The following JAZF1 variants were observed in gnomAD, a reference collection of about 807,000 sequenced individuals.
JAZF1 encodes the protein JAZF zinc finger 1.
JAZF1 carries 8 observed loss-of-function variants against 26.4 expected under a neutral mutation model. The observed-to-expected ratio is 0.30, with a 90% CI of 0.18 to 0.55. The LOEUF (loss-of-function observed/expected upper bound fraction) is 0.55. JAZF1 is among the 20% of genes least tolerant of loss of function. The pLI is 0.94. For missense variants in JAZF1, 199 were observed against 322.0 expected (o/e 0.62, Z 2.92); for synonymous variants, 126 against 122.3 (o/e 1.03, Z -0.20).
intron 2 of JAZF1, among the ~76,000 whole-genome samples, chr7:27,929,560 A>C (rs1264720074): frequency 6.6e-6 from 1 of 152,224 alleles, no homozygotes; most frequent in East Asian, 1.9e-4. Flanking sequence ...TGTAAGCAGA[A>C]GTTTGTAGGT....
intron 2 of JAZF1, among the ~76,000 whole-genome samples, chr7:27,952,529 A>G (rs1785028006): frequency 6.6e-6 from 1 of 152,254 alleles, no homozygotes; most frequent in South Asian, 2.1e-4. Flanking sequence ...AAGTCTCACA[A>G]GTAAACCAAC....
At chr7:28,137,954 G>A (rs1321311295) in intron 1 of JAZF1, among the ~76,000 whole-genome samples, 1 of 152,180 alleles carries the variant, frequency 6.6e-6, no homozygotes, top group African/African-American at 2.4e-5. Context: ...GGCAGGTTAA[G>A]TGCCTTGCCC....
At chr7:28,130,958 C>T (rs976519036) in intron 1 of JAZF1, among the ~76,000 whole-genome samples, 2 of 152,154 alleles carry the variant, frequency 1.3e-5, no homozygotes, top group Non-Finnish European at 2.9e-5. Flanking sequence ...CCCTCACTAC[C>T]ATCATGAAAA....
chr7:28,155,424 G>C (rs1451192175), intron 1 of JAZF1, among the ~76,000 whole-genome samples: 1 of 152,186 alleles, frequency 6.6e-6, no homozygotes, highest in Non-Finnish European at 1.5e-5. Flanking sequence ...TCTTCTGATA[G>C]AGGCACAAGT....
chr7:28,091,794 T>C (rs1486888052), intron 1 of JAZF1, among the ~76,000 whole-genome samples: 1 of 151,968 alleles, frequency 6.6e-6, no homozygotes, highest in Admixed American at 6.6e-5. Context: ...GGTGTGTGTA[T>C]GGCCCAACTG....
intron 1 of JAZF1, among the ~76,000 whole-genome samples, chr7:28,082,825 C>G (rs1033053304): frequency 6.6e-5 from 10 of 152,144 alleles, no homozygotes; most frequent in South Asian, 4.1e-4. Context: ...TCGGTGCCAC[C>G]ATTACTATTC....
chr7:28,167,196 C>G (rs1376701948), intron 1 of JAZF1, among the ~76,000 whole-genome samples: 2 of 152,192 alleles, frequency 1.3e-5, no homozygotes, highest in Non-Finnish European at 2.9e-5. Context: ...TGGCCAAGGT[C>G]ACGTAGCCTG....
intron 1 of JAZF1, among the ~76,000 whole-genome samples, chr7:28,090,980 C>T (rs1784287737): frequency 6.6e-6 from 1 of 151,016 alleles, no homozygotes; most frequent in African/African-American, 2.4e-5. Flanking sequence ...GCGCCCGCCA[C>T]CGCGCCCGGC....
At chr7:28,046,421 T>C (rs1783497236) in intron 1 of JAZF1, among the ~76,000 whole-genome samples, 1 of 152,214 alleles carries the variant, frequency 6.6e-6, no homozygotes, top group Admixed American at 6.5e-5. Context: ...ATATAATGAA[T>C]ACTCCAAATT....
At chr7:27,861,634 A>C (rs1783382875) in intron 3 of JAZF1, among the ~76,000 whole-genome samples, 1 of 146,570 alleles carries the variant, frequency 6.8e-6, no homozygotes, top group Non-Finnish European at 1.5e-5. Context: ...ATGCACTGTC[A>C]CTGTTTCTCC....
intron 1 of JAZF1, among the ~76,000 whole-genome samples, chr7:28,148,638 A>G (rs540222670): frequency 1.3e-5 from 2 of 152,366 alleles, no homozygotes; most frequent in South Asian, 2.1e-4. Flanking sequence ...TGTTGCATTC[A>G]TTCATTCATT....
chr7:28,077,091 C>T (rs543593513), intron 1 of JAZF1, among the ~76,000 whole-genome samples: 4 of 152,218 alleles, frequency 2.6e-5, no homozygotes, highest in South Asian at 2.1e-4. Context: ...AACACAACAA[C>T]GACACTTACA....
intron 1 of JAZF1, among the ~76,000 whole-genome samples, chr7:28,109,695 C>T (rs1196552861): frequency 1.3e-5 from 2 of 152,196 alleles, no homozygotes; most frequent in African/African-American, 4.8e-5. Context: ...AATGGCTGAA[C>T]TGGGACTCAC....
At chr7:27,963,643 C>T (rs1424569717) in intron 2 of JAZF1, among the ~76,000 whole-genome samples, 1 of 146,388 alleles carries the variant, frequency 6.8e-6, no homozygotes, top group African/African-American at 2.5e-5. Flanking sequence ...TTCACTGCAG[C>T]CTTGATCTCC....
At chr7:28,051,110 C>A (rs761283451) in intron 1 of JAZF1, among the ~76,000 whole-genome samples, 1 of 121,076 alleles carries the variant, frequency 8.3e-6, no homozygotes, top group African/African-American at 3.2e-5. Context: ...CCAGCCCAGG[C>A]GATAGTGCAA....
At chr7:28,170,679 C>A (rs1048500811) in intron 1 of JAZF1, among the ~76,000 whole-genome samples, 9 of 152,094 alleles carry the variant, frequency 5.9e-5, no homozygotes, top group Non-Finnish European at 1.3e-4. Flanking sequence ...ATGTCATCAA[C>A]CATCCATACT....
At chr7:27,862,747 C>A (rs974190378) in intron 3 of JAZF1, among the ~76,000 whole-genome samples, 1 of 152,220 alleles carries the variant, frequency 6.6e-6, no homozygotes, top group African/African-American at 2.4e-5. Flanking sequence ...GCTGCCTCAC[C>A]TCTATCTTTA....
At chr7:28,098,331 C>G (rs1007865635) in intron 1 of JAZF1, among the ~76,000 whole-genome samples, 1 of 152,104 alleles carries the variant, frequency 6.6e-6, no homozygotes, top group African/African-American at 2.4e-5. Context: ...GCCTCCAGAA[C>G]TGTGGGAAAT....
chr7:27,929,791 T>C (rs1367761510), intron 2 of JAZF1, among the ~76,000 whole-genome samples: 1 of 152,122 alleles, frequency 6.6e-6, no homozygotes, highest in Non-Finnish European at 1.5e-5. Context: ...GACAGTATAA[T>C]AGCAATTTTT....
Sources: gnomAD v4.1 joint callset for allele counts (sites outside exome capture counted in the v4.1 genomes callset) on GRCh38, gnomAD v4.1.1 for gene constraint, MANE v1.5 for transcripts, NCBI Gene and HGNC (gene_info 2026-07-23, HGNC 2026-07-21) for gene names.